The following KCNH7 variants were observed in gnomAD, a reference collection of about 807,000 sequenced individuals.
The protein encoded by KCNH7 is voltage-gated inwardly rectifying potassium channel KCNH7.
KCNH7 carries 49 observed loss-of-function variants against 120.8 expected under a neutral mutation model. The observed-to-expected ratio is 0.41, with a 90% CI of 0.32 to 0.51. The LOEUF is 0.51. Among genes scored for constraint, KCNH7 ranks in the 20% least tolerant of loss-of-function variants. The pLI is 0.38. For missense variants in KCNH7, 1,097 were observed against 1,446.6 expected (o/e 0.76, Z 3.92); for synonymous variants, 547 against 516.1 (o/e 1.06, Z -0.81).
chr2:162,732,523 C>T (rs12998696), intron 2 of KCNH7, among the ~76,000 whole-genome samples: 3,229 of 152,102 alleles, frequency 0.021, 71 homozygotes, highest in East Asian at 0.11. Context: ...TTTTAGGGAT[C>T]TGGTAGGTAG....
At chr2:162,785,681 C>T (rs1040922843) in intron 2 of KCNH7, among the ~76,000 whole-genome samples, 1 of 151,872 alleles carries the variant, frequency 6.6e-6, no homozygotes, top group Non-Finnish European at 1.5e-5. Flanking sequence ...TATCAGGCTG[C>T]CTGTGGAATA....
At chr2:162,592,126 T>C (rs1414813828) in intron 2 of KCNH7, among the ~76,000 whole-genome samples, 1 of 152,052 alleles carries the variant, frequency 6.6e-6, no homozygotes, top group Non-Finnish European at 1.5e-5. Context: ...TTAAGAATAG[T>C]GTACTAGGTT....
Position 162,430,641 on chromosome 2 carries a change from GAAA to G in KCNH7, c.1954+4554_1954+4556del, listed in dbSNP as rs201977055. Among the ~76,000 whole-genome samples the G allele has an allele frequency of 9.2e-5, 14 of 152,036 alleles. 1 individual carries two copies. In the East Asian group the frequency reaches 2.7e-3, roughly 29 times the overall value. On this transcript the variant is annotated intron_variant, in intron 8 of 15. Transcript: ENST00000332142. The stretch of plus-strand genomic sequence containing the variant: ...CTTCCCTATTAATTTTCCAGTGCCT[GAAA>G]ACAATTGCCTTATATATTTTGTTCA...
intron 2 of KCNH7, among the ~76,000 whole-genome samples, chr2:162,668,482 T>C (rs1685225618): frequency 6.6e-6 from 1 of 152,172 alleles, no homozygotes; most frequent in South Asian, 2.1e-4. Context: ...ACCACTGATG[T>C]AGAGCTGTGA....
chr2:162,690,126 G>C (rs1046813261), intron 2 of KCNH7, among the ~76,000 whole-genome samples: 2 of 152,098 alleles, frequency 1.3e-5, no homozygotes, highest in African/African-American at 4.8e-5. Context: ...AACTGACACA[G>C]GGACAGAAAA....
intron 9 of KCNH7, among the ~76,000 whole-genome samples, chr2:162,408,246 C>T (rs762619415): frequency 6.6e-6 from 1 of 152,006 alleles, no homozygotes; most frequent in East Asian, 1.9e-4. Flanking sequence ...AGAAATCTAG[C>T]ACAGATGATC....
At chr2:162,643,371 C>A (rs1293676109) in intron 2 of KCNH7, among the ~76,000 whole-genome samples, 2 of 151,298 alleles carry the variant, frequency 1.3e-5, no homozygotes, top group African/African-American at 4.9e-5. Flanking sequence ...AAACAGAAAA[C>A]AAAACCTCTC....
intron 13 of KCNH7, among the ~76,000 whole-genome samples, chr2:162,380,923 A>G (rs1187602872): frequency 6.6e-6 from 1 of 152,060 alleles, no homozygotes; most frequent in Non-Finnish European, 1.5e-5. Context: ...TTTTTCTCCT[A>G]CAATCTATAT....
chr2:162,757,507 A>G (rs911616424), intron 2 of KCNH7, among the ~76,000 whole-genome samples: 1 of 152,178 alleles, frequency 6.6e-6, no homozygotes, highest in Admixed American at 6.5e-5. Flanking sequence ...AAATCTCCCA[A>G]GAATGTTTGT....
intron 11 of KCNH7, among the ~76,000 whole-genome samples, chr2:162,395,403 T>C (rs1686881806): frequency 6.6e-6 from 1 of 151,778 alleles, no homozygotes; most frequent in South Asian, 2.1e-4. Flanking sequence ...TTAAATTCCA[T>C]AAACATTACA....
In KCNH7 at chr2:162,518,110, C is replaced by T. The variant is rs1356736007; in HGVS notation, c.512G>A (p.Arg171Lys). 7 of 1,611,912 alleles carry T rather than the reference C, an allele frequency of 4.3e-6. No homozygotes were observed. The highest frequency in any genetic ancestry group is 2.7e-5 in the African/African-American group (2 of 74,734). ...GTCTTCTTGTGGTAAGGACTGCTTTCTGTAAGTGAGAACTCTCAGACCAGG... is the reference window on the plus strand; with the variant it reads ...GTCTTCTTGTGGTAAGGACTGCTTTTTGTAAGTGAGAACTCTCAGACCAGG... ...KFPGLRVLTY[R>K]KQSLPQEDPD... is the part of the protein sequence containing the mutation. Residue 171 changes from arginine (R) to lysine (K), a missense_variant, in exon 4 of 16, where the codon AGA becomes AAA. Arg to Lys is a conservative substitution (Grantham distance 26, BLOSUM62 2). Coordinates refer to ENST00000332142, the MANE Select transcript of KCNH7 (RefSeq NM_033272.4).
chr2:162,768,728 G>T (rs944080909), intron 2 of KCNH7, among the ~76,000 whole-genome samples: 2 of 152,134 alleles, frequency 1.3e-5, no homozygotes, highest in Admixed American at 6.6e-5. Flanking sequence ...AAGTCTTCCA[G>T]CTCTTGGAAA....
At chr2:162,516,268 C>A (rs924004753) in intron 4 of KCNH7, among the ~76,000 whole-genome samples, 1 of 151,670 alleles carries the variant, frequency 6.6e-6, no homozygotes, top group African/African-American at 2.4e-5. Context: ...AAAATGCAAT[C>A]CATGCTACAC....
intron 6 of KCNH7, among the ~76,000 whole-genome samples, chr2:162,466,460 C>T (rs1689307510): frequency 6.6e-6 from 1 of 152,166 alleles, no homozygotes; most frequent in South Asian, 2.1e-4. Flanking sequence ...CTTATAAAAC[C>T]ATCAGATTTC....
chr2:162,456,669 T>C (rs1188834207), intron 6 of KCNH7, among the ~76,000 whole-genome samples: 1 of 152,150 alleles, frequency 6.6e-6, no homozygotes, highest in African/African-American at 2.4e-5. Flanking sequence ...AGAACTTGTT[T>C]TATGAATCTG....
intron 9 of KCNH7, among the ~76,000 whole-genome samples, chr2:162,420,757 A>G (rs182621652): frequency 1.6e-4 from 25 of 152,308 alleles, no homozygotes; most frequent in Non-Finnish European, 3.4e-4. Context: ...ATGTTTCGTG[A>G]GAAATTATAT....
At chr2:162,559,250 T>C (rs1233248742) in intron 2 of KCNH7, among the ~76,000 whole-genome samples, 2 of 151,914 alleles carry the variant, frequency 1.3e-5, no homozygotes, top group Non-Finnish European at 2.9e-5. Flanking sequence ...GCCAGAGAGT[T>C]TGAGAAACTA....
At chr2:162,755,214 T>A (rs1688744013) in intron 2 of KCNH7, among the ~76,000 whole-genome samples, 1 of 152,140 alleles carries the variant, frequency 6.6e-6, no homozygotes, top group African/African-American at 2.4e-5. Flanking sequence ...ATGCCTATAA[T>A]CCTAGCACTT....
chr2:162,586,690 C>A (rs1694032935), intron 2 of KCNH7, among the ~76,000 whole-genome samples: 1 of 147,048 alleles, frequency 6.8e-6, no homozygotes. Context: ...CTTTTTTCTC[C>A]TAGAAATACA....
Sources: allele counts gnomAD v4.1 joint callset (sites outside exome capture counted in the v4.1 genomes callset), GRCh38; gene constraint gnomAD v4.1.1; transcripts MANE v1.5; gene names NCBI Gene and HGNC (gene_info 2026-07-23, HGNC 2026-07-21).